The following CCDC170 variants were observed in gnomAD, a reference collection of about 807,000 sequenced individuals.
The protein encoded by CCDC170 is coiled-coil domain containing 170.
CCDC170 carries 69 observed loss-of-function variants against 72.6 expected under a neutral mutation model. That is an observed-to-expected ratio of 0.95 (90% CI 0.78 to 1.16). CCDC170 has a LOEUF of 1.16. Ranked by LOEUF, CCDC170 falls within the 50% of genes most tolerant of loss-of-function variation. The pLI, the probability that CCDC170 is intolerant of heterozygous loss-of-function variation, is 0.00. For synonymous variants in CCDC170, 300 were observed against 303.9 expected (o/e 0.99, Z 0.13); for missense variants, 852 against 832.5 (o/e 1.02, Z -0.29).
chr6:151,505,096 C>T (rs372835647), intron 1 of CCDC170, among the ~76,000 whole-genome samples: 5 of 152,112 alleles, frequency 3.3e-5, no homozygotes, highest in African/African-American at 9.7e-5. Context: ...TGGTGGCCCG[C>T]GGAGCTGCCC....
chr6:151,520,851 C>A (rs776882870), intron 1 of CCDC170, among the ~76,000 whole-genome samples: 6 of 152,166 alleles, frequency 3.9e-5, no homozygotes, highest in Non-Finnish European at 5.9e-5. Context: ...GGCTTCCCCC[C>A]ACCCACCAAG....
intron 9 of CCDC170, among the ~76,000 whole-genome samples, chr6:151,598,989 A>G (rs1410117025): frequency 6.6e-6 from 1 of 152,156 alleles, no homozygotes; most frequent in African/African-American, 2.4e-5. Flanking sequence ...ACTTTGTTAG[A>G]GAGAATAAAG....
intron 1 of CCDC170, among the ~76,000 whole-genome samples, chr6:151,497,934 C>T (rs1369426627): frequency 2.2e-5 from 3 of 139,338 alleles, no homozygotes; most frequent in African/African-American, 8.3e-5. Flanking sequence ...CAAGATTGTG[C>T]CACTGAACAC....
intron 5 of CCDC170, among the ~76,000 whole-genome samples, chr6:151,548,989 A>C (rs1782830191): frequency 6.6e-6 from 1 of 151,678 alleles, no homozygotes; most frequent in South Asian, 2.1e-4. Context: ...AAGCTCCGCC[A>C]CCCTGGTTCA....
chr6:151,504,782 A>G (rs1411454373), intron 1 of CCDC170, among the ~76,000 whole-genome samples: 2 of 151,630 alleles, frequency 1.3e-5, no homozygotes, highest in African/African-American at 4.8e-5. Context: ...CAGATTTGGG[A>G]GCTACTAGAT....
chr6:151,573,367 A>G lies in CCDC170; in HGVS notation c.968A>G (p.Tyr323Cys). 1 of 1,614,004 alleles carries G rather than the reference A, an allele frequency of 6.2e-7. No individual in the cohort carries two copies. The highest frequency in any genetic ancestry group is 8.5e-7 in the Non-Finnish European group (1 of 1,179,980). The change falls in exon 6 of 11, where the codon TAC (tyrosine) becomes TGC (cysteine). Residue 323 changes from tyrosine to cysteine, a missense_variant. Physicochemically the swap from Tyr to Cys is radical, Grantham distance 194. Coordinates refer to ENST00000239374, the MANE Select transcript of CCDC170 (RefSeq NM_025059.4). ...QDAVTTSQSQ[Y>C]FSFREKIAAL... The stretch of plus-strand genomic sequence containing the variant: ...GCAGTCACAACCTCACAAAGCCAGT[A>G]CTTCTCATTTAGGGAGAAAATCGCA...
chr6:151,565,346 C>T (rs911296172), intron 5 of CCDC170, among the ~76,000 whole-genome samples: 1 of 152,136 alleles, frequency 6.6e-6, no homozygotes, highest in Admixed American at 6.5e-5. Context: ...GCAGACAGCT[C>T]CCTATGTTGG....
At chr6:151,598,642 T>C (rs1776659616) in intron 9 of CCDC170, among the ~76,000 whole-genome samples, 4 of 152,186 alleles carry the variant, frequency 2.6e-5, no homozygotes, top group Admixed American at 2.6e-4. Flanking sequence ...AGAATCACTT[T>C]TTCTAAAATC....
rs200006463 is a variant in CCDC170 at position 151,573,435 on chromosome 6, G to A, written c.1036G>A (p.Asp346Asn). 65 of 1,614,014 alleles carry A rather than the reference G, an allele frequency of 4.0e-5. 1 individual carries two copies. The highest frequency in any genetic ancestry group is 4.7e-5 in the Non-Finnish European group (55 of 1,180,026). ...ATTGAGCATGACTGGGTCCACTGAG[G>A]ACACCATTTTGGAGAAGATTCGAGA... ...GRLSMTGSTE[D>N]TILEKIREMD... The change falls in exon 6 of 11, where the codon GAC (aspartate) becomes AAC (asparagine). Residue 346 changes from aspartate (D) to asparagine (N), a missense_variant. Transcript: ENST00000239374.
intron 7 of CCDC170, among the ~76,000 whole-genome samples, chr6:151,590,682 A>G (rs527326138): frequency 7.2e-5 from 11 of 152,356 alleles, no homozygotes; most frequent in African/African-American, 2.4e-4. Flanking sequence ...AAAAGTTTCT[A>G]GTAACCTTAA....
chr6:151,606,169 T>G (rs1776779971), intron 9 of CCDC170, among the ~76,000 whole-genome samples: 1 of 152,224 alleles, frequency 6.6e-6, no homozygotes, highest in Non-Finnish European at 1.5e-5. Context: ...CCCAAGCTGT[T>G]GGGATTACAG....
chr6:151,532,765 T>A (rs560507459), intron 1 of CCDC170, among the ~76,000 whole-genome samples: 1 of 152,304 alleles, frequency 6.6e-6, no homozygotes, highest in Non-Finnish European at 1.5e-5. Context: ...TTTTTTGGAA[T>A]TTTCCAAGAA....
chr6:151,501,711 G>T (rs1562820823), intron 1 of CCDC170, among the ~76,000 whole-genome samples: 3 of 152,144 alleles, frequency 2.0e-5, no homozygotes, highest in African/African-American at 7.2e-5. Context: ...GAGACTGCTT[G>T]TGTATTTACT....
chr6:151,602,867 C>G (rs1174108826), intron 9 of CCDC170, among the ~76,000 whole-genome samples: 1 of 150,402 alleles, frequency 6.6e-6, no homozygotes, highest in East Asian at 1.9e-4. Flanking sequence ...ATGGCACAAT[C>G]TCGGCTCACT....
intron 1 of CCDC170, among the ~76,000 whole-genome samples, chr6:151,508,814 G>C (rs1782100890): frequency 6.6e-6 from 1 of 151,750 alleles, no homozygotes; most frequent in Non-Finnish European, 1.5e-5. Flanking sequence ...TCAGGAGTTT[G>C]AGACCAGCCT....
At chr6:151,501,591 G>A (rs948439014) in intron 1 of CCDC170, among the ~76,000 whole-genome samples, 6 of 152,058 alleles carry the variant, frequency 3.9e-5, no homozygotes, top group Admixed American at 6.5e-5. Context: ...AGTTTCTCTT[G>A]GTATCTATCT....
chr6:151,531,131 A>G (rs1025637336), intron 1 of CCDC170, among the ~76,000 whole-genome samples: 2 of 152,306 alleles, frequency 1.3e-5, no homozygotes, highest in East Asian at 3.9e-4. Context: ...CCTCCAATTC[A>G]TATGCTGAAA....
At chr6:151,594,155 G>C (rs1051965225) in intron 8 of CCDC170, among the ~76,000 whole-genome samples, 1 of 152,144 alleles carries the variant, frequency 6.6e-6, no homozygotes, top group African/African-American at 2.4e-5. Context: ...GAAAGAAATA[G>C]GAAAACACAG....
chr6:151,550,063 A>G (rs982994709), intron 5 of CCDC170, among the ~76,000 whole-genome samples: 2 of 152,218 alleles, frequency 1.3e-5, no homozygotes, highest in African/African-American at 4.8e-5. Flanking sequence ...GAATTGGCTG[A>G]TCTTTTCAAA....
Sources: gnomAD v4.1 joint callset for allele counts (sites outside exome capture counted in the v4.1 genomes callset) on GRCh38, gnomAD v4.1.1 for gene constraint, MANE v1.5 for transcripts, NCBI Gene and HGNC (gene_info 2026-07-23, HGNC 2026-07-21) for gene names.